Variants in PRKG1 observed in about 807,000 individuals in gnomAD.
The protein encoded by PRKG1 is protein kinase cGMP-dependent 1.
PRKG1 carries 35 observed loss-of-function variants against 88.1 expected under a neutral mutation model. That is an observed-to-expected ratio of 0.40 (90% confidence interval 0.30 to 0.53). The LOEUF (loss-of-function observed/expected upper bound fraction) is 0.53. PRKG1 is among the 20% of genes least tolerant of loss of function. The pLI, the probability that PRKG1 is intolerant of heterozygous loss-of-function variation, is 0.59. For missense variants in PRKG1, 540 were observed against 839.8 expected, an observed-to-expected ratio of 0.64 and a Z score of 4.41; for synonymous variants, 303 against 292.5, an observed-to-expected ratio of 1.04 and a Z score of -0.37.
chr10:51,160,399 G>A lies in PRKG1; in HGVS notation c.478+7069G>A, dbSNP rs548746747. The stretch of plus-strand genomic sequence containing the variant: ...TTGTGCTTGTTTAAACAGTGTTAAC[G>A]GTGAATCCTTATAAACATGTTCAGT... On this transcript the variant is annotated intron_variant, in intron 2 of 17. Coordinates refer to ENST00000373980, the MANE Select transcript of PRKG1 (RefSeq NM_006258.4). Among the ~76,000 whole-genome samples the A allele has an allele frequency of 8.5e-5, 13 of 152,084 alleles. No homozygotes were observed. The South Asian group carries it at 1.7e-3, about 19-fold the overall frequency.
chr10:52,240,240 G>A (rs1840824612), intron 9 of PRKG1, among the ~76,000 whole-genome samples: 1 of 152,140 alleles, frequency 6.6e-6, no homozygotes, highest in African/African-American at 2.4e-5. Context: ...GAAACGCTGT[G>A]ATGAAAATGG....
At chr10:51,536,905 G>T (rs1319848104) in intron 3 of PRKG1, among the ~76,000 whole-genome samples, 1 of 149,056 alleles carries the variant, frequency 6.7e-6, no homozygotes, top group African/African-American at 2.5e-5. Context: ...GCGGTGTTTG[G>T]TTTTTTGTCC....
At chr10:51,201,325 G>A (rs1349065680) in intron 2 of PRKG1, among the ~76,000 whole-genome samples, 1 of 152,072 alleles carries the variant, frequency 6.6e-6, no homozygotes, top group South Asian at 2.1e-4. Context: ...GGTGGCAGTT[G>A]CCTGTAATCC....
chr10:51,158,895 C>A (rs1846286736), intron 2 of PRKG1, among the ~76,000 whole-genome samples: 1 of 151,956 alleles, frequency 6.6e-6, no homozygotes, highest in Admixed American at 6.6e-5. Context: ...TATACTAACT[C>A]TAAGTGTTAT....
At chr10:51,596,543 TTCCTCAAACAGCTCAG>T (rs1382719124) in intron 3 of PRKG1, among the ~76,000 whole-genome samples, 1 of 152,178 alleles carries the variant, frequency 6.6e-6, no homozygotes, top group Non-Finnish European at 1.5e-5. Flanking sequence ...TTTTTTCCTC[TTCCTCAAACAGCTCAG>T]TCCTGCCTTT....
chr10:52,135,033 G>T (rs1223180224), intron 8 of PRKG1, among the ~76,000 whole-genome samples: 2 of 152,060 alleles, frequency 1.3e-5, no homozygotes, highest in African/African-American at 4.8e-5. Context: ...AGATTCAAAG[G>T]AGCAGCACAG....
intron 2 of PRKG1, among the ~76,000 whole-genome samples, chr10:51,175,093 G>A (rs2132015312): frequency 6.6e-6 from 1 of 151,798 alleles, no homozygotes; most frequent in South Asian, 2.1e-4. Context: ...ATTTTGCAGA[G>A]AAAATATGTA....
intron 9 of PRKG1, among the ~76,000 whole-genome samples, chr10:52,212,458 C>A (rs1181054448): frequency 6.6e-6 from 1 of 152,134 alleles, no homozygotes; most frequent in African/African-American, 2.4e-5. Flanking sequence ...ACTACCATCA[C>A]AAACTTTAAC....
intron 5 of PRKG1, among the ~76,000 whole-genome samples, chr10:52,021,439 G>C (rs1034310967): frequency 2.0e-5 from 3 of 152,190 alleles, no homozygotes; most frequent in African/African-American, 7.2e-5. Flanking sequence ...GAATAGGATA[G>C]TAAATATGTA....
rs185084983 is a variant in PRKG1, at chr10:51,731,442, T to C, written c.593-73143T>C. 3.1e-4 allele frequency among the ~76,000 whole-genome samples: 47 copies of C among 152,302 alleles called. No individual in the cohort carries two copies. The East Asian group carries it at 6.8e-3, about 22-fold the overall frequency. ...CTTGGTATTTCTGCTGCAATTTGTC[T>C]TCATAGGCCATTTTTAGAAATGTTT... On this transcript the variant is annotated intron_variant, in intron 3 of 17. Transcript: ENST00000373980.
At chr10:51,947,605 G>T (rs1384153386) in intron 5 of PRKG1, among the ~76,000 whole-genome samples, 1 of 152,152 alleles carries the variant, frequency 6.6e-6, no homozygotes, top group African/African-American at 2.4e-5. Context: ...CGGCCATCTT[G>T]GCTCCCCTCC....
At chr10:51,638,813 C>A (rs954982026) in intron 3 of PRKG1, among the ~76,000 whole-genome samples, 1 of 151,994 alleles carries the variant, frequency 6.6e-6, no homozygotes, top group Non-Finnish European at 1.5e-5. Context: ...TTAACTAAGA[C>A]TTGAAAGAAG....
chr10:51,688,336 T>C (rs774908640), intron 3 of PRKG1, among the ~76,000 whole-genome samples: 10 of 152,090 alleles, frequency 6.6e-5, no homozygotes, highest in Admixed American at 3.3e-4. Flanking sequence ...TAGGGTATAT[T>C]CTGTTCTCCT....
At chr10:51,416,768 C>T (rs1275402472) in intron 2 of PRKG1, among the ~76,000 whole-genome samples, 2 of 152,292 alleles carry the variant, frequency 1.3e-5, no homozygotes, top group Non-Finnish European at 2.9e-5. Context: ...CCACACATCT[C>T]TGTCTTACCA....
chr10:51,481,326 C>T (rs1475862531), intron 3 of PRKG1, among the ~76,000 whole-genome samples: 2 of 152,016 alleles, frequency 1.3e-5, no homozygotes, highest in African/African-American at 4.8e-5. Flanking sequence ...CAGCTCACTG[C>T]AATCTCCATC....
intron 2 of PRKG1, among the ~76,000 whole-genome samples, chr10:51,389,062 C>T (rs938727516): frequency 3.9e-4 from 59 of 152,210 alleles, no homozygotes; most frequent in African/African-American, 1.3e-3. Flanking sequence ...TTGTACTGAC[C>T]AGGCGTATAA....
At chr10:51,528,642 A>G (rs1402195935) in intron 3 of PRKG1, among the ~76,000 whole-genome samples, 2 of 148,254 alleles carry the variant, frequency 1.3e-5, no homozygotes, top group African/African-American at 4.9e-5. Flanking sequence ...TCAAAGTTTA[A>G]ACAGGCACAG....
chr10:51,252,491 CAG>C (rs748294546), intron 2 of PRKG1, among the ~76,000 whole-genome samples: 105 of 151,720 alleles, frequency 6.9e-4, no homozygotes, highest in Middle Eastern at 3.4e-3. Context: ...TTCATTTGAG[CAG>C]AGACTTCTTA....
intron 3 of PRKG1, among the ~76,000 whole-genome samples, chr10:51,567,558 G>A (rs1837638750): frequency 6.6e-6 from 1 of 152,060 alleles, no homozygotes. Flanking sequence ...CAGATATGGT[G>A]CAAAATGCAA....
Sources: gnomAD v4.1 joint callset for allele counts (sites outside exome capture counted in the v4.1 genomes callset) on GRCh38, gnomAD v4.1.1 for gene constraint, MANE v1.5 for transcripts, NCBI Gene and HGNC (gene_info 2026-07-23, HGNC 2026-07-21) for gene names.